The following PAK5 variants were observed in gnomAD, a reference collection of about 807,000 sequenced individuals.
The protein encoded by PAK5 is p21 (RAC1) activated kinase 5, also known as serine/threonine-protein kinase PAK 5.
Under a neutral mutation model 65.9 loss-of-function variants are expected in PAK5, and 16 were observed. That is an observed-to-expected ratio of 0.24 (90% CI 0.16 to 0.37). The LOEUF (loss-of-function observed/expected upper bound fraction) is 0.37, where lower values mean the gene tolerates loss of function less well. PAK5 is among the 10% of genes least tolerant of loss of function. The pLI is 1.00. For synonymous variants in PAK5, 371 were observed against 354.9 expected (o/e 1.05, Z -0.51); for missense variants, 785 against 903.9 (o/e 0.87, Z 1.69).
chr20:9,737,271 T>A (rs2048400133), intron 1 of PAK5, among the ~76,000 whole-genome samples: 2 of 152,192 alleles, frequency 1.3e-5, no homozygotes, highest in African/African-American at 2.4e-5. Flanking sequence ...AGGAACACAG[T>A]GTATAGATAG....
At position 9,665,085 on chromosome 20, in the gene PAK5, G is replaced by GTTTT. The variant is rs754435525; in HGVS notation, c.-11-20750_-11-20747dup. On this transcript the variant is annotated intron_variant, in intron 2 of 9. Coordinates refer to ENST00000353224, the MANE Select transcript of PAK5 (RefSeq NM_177990.4). ...CCACCATGCCCAGCTAAATTTTTCT[G>GTTTT]TTTTTTTTTTTTTTTGTAGTGATGA... Among the ~76,000 whole-genome samples, 9 of 98,892 alleles carry GTTTT rather than the reference G, an allele frequency of 9.1e-5. 1 individual carries two copies. Among genetic ancestry groups the GTTTT allele is most frequent in the Middle Eastern group, 7.2e-3 (1 of 138 alleles). 64.9% of individuals were successfully genotyped at this position (98,892 alleles called of 152,430 possible). A position where few individuals can be genotyped will look rare whatever the true frequency, so the allele number is the denominator to read the frequency against.
intron 1 of PAK5, among the ~76,000 whole-genome samples, chr20:9,807,505 A>G (rs2049246929): frequency 6.6e-6 from 1 of 152,076 alleles, no homozygotes; most frequent in African/African-American, 2.4e-5. Context: ...TCCCACTAAT[A>G]CATACATACT....
At chr20:9,567,959 G>A (rs955289344) in intron 4 of PAK5, among the ~76,000 whole-genome samples, 1 of 152,172 alleles carries the variant, frequency 6.6e-6, no homozygotes, top group Admixed American at 6.5e-5. Context: ...CCTTTCCTAG[G>A]AGGGGTGGTT....
intron 1 of PAK5, among the ~76,000 whole-genome samples, chr20:9,741,983 C>A (rs1197705531): frequency 6.6e-6 from 1 of 152,126 alleles, no homozygotes; most frequent in East Asian, 1.9e-4. Context: ...TTACTTTAAA[C>A]CCTACCTTAG....
intron 3 of PAK5, among the ~76,000 whole-genome samples, chr20:9,640,950 A>T: frequency 6.6e-6 from 1 of 152,198 alleles, no homozygotes; most frequent in Non-Finnish European, 1.5e-5. Context: ...CAAAGCTTCC[A>T]CAGTGTGGAA....
At chr20:9,686,287 G>C (rs1421024823) in intron 2 of PAK5, among the ~76,000 whole-genome samples, 2 of 152,168 alleles carry the variant, frequency 1.3e-5, no homozygotes, top group Admixed American at 6.6e-5. Flanking sequence ...TTGGTGACTG[G>C]TGTCTGAGTG....
intron 6 of PAK5, among the ~76,000 whole-genome samples, chr20:9,558,151 C>G (rs1042265299): frequency 6.6e-6 from 1 of 151,746 alleles, no homozygotes; most frequent in East Asian, 1.9e-4. Flanking sequence ...TGCTCTGTCA[C>G]TTAGGCTAGA....
chr20:9,795,648 ATCT>A (rs892195357), intron 1 of PAK5, among the ~76,000 whole-genome samples: 2 of 152,150 alleles, frequency 1.3e-5, no homozygotes, highest in African/African-American at 2.4e-5. Context: ...TACACTTTAA[ATCT>A]TCTTCATGCT....
At chr20:9,725,285 A>C (rs2048262921) in intron 1 of PAK5, among the ~76,000 whole-genome samples, 1 of 152,168 alleles carries the variant, frequency 6.6e-6, no homozygotes, top group Non-Finnish European at 1.5e-5. Context: ...TCAAGGTGGG[A>C]ATATATCATT....
chr20:9,572,585 A>T (rs1401719603), intron 4 of PAK5, among the ~76,000 whole-genome samples: 1 of 152,220 alleles, frequency 6.6e-6, no homozygotes, highest in East Asian at 1.9e-4. Context: ...GGGATTTGGG[A>T]TCTGATTATT....
At chr20:9,783,128 G>A (rs1271794457) in intron 1 of PAK5, among the ~76,000 whole-genome samples, 2 of 151,856 alleles carry the variant, frequency 1.3e-5, no homozygotes, top group Admixed American at 6.6e-5. Context: ...TAGAGATGGG[G>A]TTTCTCCATC....
intron 3 of PAK5, among the ~76,000 whole-genome samples, chr20:9,639,252 T>C (rs2047020294): frequency 6.6e-6 from 1 of 152,210 alleles, no homozygotes; most frequent in South Asian, 2.1e-4. Context: ...TTTTAATTTT[T>C]ACTTATTGTA....
chr20:9,642,343 C>T (rs749787241), intron 3 of PAK5, among the ~76,000 whole-genome samples: 23 of 152,194 alleles, frequency 1.5e-4, no homozygotes, highest in Admixed American at 7.2e-4. Flanking sequence ...TTAATGATCA[C>T]CATTCTAACT....
chr20:9,674,603 A>C (rs2047543781), intron 2 of PAK5, among the ~76,000 whole-genome samples: 1 of 152,200 alleles, frequency 6.6e-6, no homozygotes, highest in Non-Finnish European at 1.5e-5. Context: ...AAGGAAGGCA[A>C]AATTTGGCAG....
At chr20:9,697,879 C>G (rs970483604) in intron 2 of PAK5, among the ~76,000 whole-genome samples, 1 of 152,018 alleles carries the variant, frequency 6.6e-6, no homozygotes, top group Non-Finnish European at 1.5e-5. Flanking sequence ...TTGGTTTGGA[C>G]AATACACATT....
chr20:9,631,368 C>G (rs897504085), intron 3 of PAK5, among the ~76,000 whole-genome samples: 3 of 152,178 alleles, frequency 2.0e-5, no homozygotes, highest in Non-Finnish European at 4.4e-5. Context: ...TATGGCAACA[C>G]TGATGGGATA....
chr20:9,740,889 C>T (rs1030871715), intron 1 of PAK5, among the ~76,000 whole-genome samples: 3 of 152,216 alleles, frequency 2.0e-5, no homozygotes, highest in African/African-American at 7.2e-5. Flanking sequence ...GGCACACATG[C>T]TCTCTGAAAT....
intron 1 of PAK5, among the ~76,000 whole-genome samples, chr20:9,765,377 C>T (rs2048745260): frequency 6.6e-6 from 1 of 152,046 alleles, no homozygotes; most frequent in Non-Finnish European, 1.5e-5. Flanking sequence ...ATAGTAGTAA[C>T]TCAATAATTG....
At chr20:9,572,909 G>A (rs141859370) in intron 4 of PAK5, among the ~76,000 whole-genome samples, 29 of 152,292 alleles carry the variant, frequency 1.9e-4, no homozygotes, top group African/African-American at 5.8e-4. Flanking sequence ...CATATGGCAT[G>A]ATGTCATGAG....
Sources: gnomAD v4.1 joint callset for allele counts (sites outside exome capture counted in the v4.1 genomes callset) on GRCh38, gnomAD v4.1.1 for gene constraint, MANE v1.5 for transcripts, NCBI Gene and HGNC (gene_info 2026-07-23, HGNC 2026-07-21) for gene names.